CCDC122: variants seen among roughly 807,000 people sequenced by gnomAD.
The protein encoded by CCDC122 is coiled-coil domain-containing protein 122.
Under a neutral mutation model 37.0 loss-of-function variants are expected in CCDC122, and 38 were observed. The ratio of observed to expected loss-of-function variants is 1.03; its 90% CI spans 0.79 to 1.35. The LOEUF (loss-of-function observed/expected upper bound fraction) is 1.35, where lower values mean the gene tolerates loss of function less well. CCDC122 is among the 40% of genes most tolerant of loss of function. The pLI is 0.00. For synonymous variants in CCDC122, 83 were observed against 95.6 expected, an observed-to-expected ratio of 0.87 and a Z score of 0.77; for missense variants, 305 against 310.0, an observed-to-expected ratio of 0.98 and a Z score of 0.12.
downstream of CCDC122, among the ~76,000 whole-genome samples, chr13:43,833,196 C>T (rs1328224514): frequency 1.3e-5 from 2 of 152,144 alleles, no homozygotes; most frequent in Non-Finnish European, 2.9e-5. Flanking sequence ...ATAGGTTGCA[C>T]ATGTAGTAAG....
At chr13:43,864,233 C>G (rs747324007) in intron 4 of CCDC122, among the ~76,000 whole-genome samples, 9 of 152,036 alleles carry the variant, frequency 5.9e-5, no homozygotes, top group Admixed American at 1.3e-4. Flanking sequence ...GATTACTATG[C>G]CCTATAATAA....
intron 1 of CCDC122, among the ~76,000 whole-genome samples, chr13:43,876,207 T>G (rs1308214345): frequency 2.0e-5 from 3 of 152,224 alleles, no homozygotes; most frequent in Non-Finnish European, 4.4e-5. Context: ...TTAGTGCCAA[T>G]TTGTTATGCT....
intron 2 of CCDC122, among the ~76,000 whole-genome samples, chr13:43,871,462 T>C (rs1000592817): frequency 6.6e-6 from 1 of 152,080 alleles, no homozygotes; most frequent in African/African-American, 2.4e-5. Context: ...GCCTAAAATA[T>C]TGTGGGCATA....
At position 43,876,485 on chromosome 13, in the gene CCDC122, G is replaced by A. The variant is rs144538368; in HGVS notation, c.-199-1558C>T. Among the ~76,000 whole-genome samples the A allele has an allele frequency of 3.1e-3, 474 of 151,894 alleles. 2 individuals carry two copies. The highest frequency in any genetic ancestry group is 0.011 in the African/African-American group (444 of 41,392). On this transcript the variant is annotated intron_variant, in intron 1 of 6. Coordinates refer to ENST00000444614, the MANE Select transcript of CCDC122 (RefSeq NM_144974.5). ...ACACAGTCAATTAAAATGGAGAGGC[G>A]CAGCAGCTTATGTCTAAGCCTATCT...
intron 4 of CCDC122, among the ~76,000 whole-genome samples, chr13:43,860,518 A>G (rs1346833775): frequency 6.6e-6 from 1 of 152,064 alleles, no homozygotes; most frequent in African/African-American, 2.4e-5. Context: ...CCCCATTCAA[A>G]CTACACTTTC....
chr13:43,842,688 T>A (rs1953395969), intron 6 of CCDC122, among the ~76,000 whole-genome samples: 1 of 152,054 alleles, frequency 6.6e-6, no homozygotes, highest in Admixed American at 6.6e-5. Flanking sequence ...TTATTTAGTA[T>A]CTTTAATTTC....
In CCDC122 at chr13:43,859,786, T is replaced by A. The variant is rs200119263; in HGVS notation, c.441A>T (p.Ser147=). The A allele has an allele frequency of 6.2e-7, 1 of 1,609,460 alleles. No homozygotes were observed. Among genetic ancestry groups the A allele is most frequent in the East Asian group, 2.2e-5 (1 of 44,600 alleles). The change falls in exon 5 of 7, where the codon TCA becomes TCT. Residue 147 remains serine (S), a synonymous_variant. Transcript: ENST00000444614. ...GCTTTTCATGGAGTTCAGTCATAAA[T>A]GACCATTTGCTCTCTACTTCCCCCA... ...NSLGEVESKW[S]FMTELHEKRD... is the part of the protein sequence containing the mutation.
intron 6 of CCDC122, among the ~76,000 whole-genome samples, chr13:43,848,464 A>G (rs911075272): frequency 6.6e-6 from 1 of 151,858 alleles, no homozygotes; most frequent in Non-Finnish European, 1.5e-5. Context: ...TTGTTGCTCA[A>G]TGTGTTATAT....
intron 3 of CCDC122, among the ~76,000 whole-genome samples, chr13:43,828,586 AC>A (rs1953061186): frequency 6.6e-6 from 1 of 151,022 alleles, no homozygotes; most frequent in Non-Finnish European, 1.5e-5. Context: ...ACACACACAC[AC>A]ACACACACAC....
At chr13:43,833,674 C>T (rs1384332508), downstream of CCDC122, among the ~76,000 whole-genome samples, 2 of 152,164 alleles carry the variant, frequency 1.3e-5, no homozygotes, top group Non-Finnish European at 2.9e-5. Context: ...CACAGACTCA[C>T]GATGATCCTA....
chr13:43,836,048 A>ATT (rs781171928), downstream of CCDC122, among the ~76,000 whole-genome samples: 2 of 152,232 alleles, frequency 1.3e-5, no homozygotes, highest in Non-Finnish European at 2.9e-5. Context: ...CACTTACTGA[A>ATT]TTTTAGCACA....
intron 4 of CCDC122, among the ~76,000 whole-genome samples, chr13:43,862,986 T>G (rs990913156): frequency 6.6e-6 from 1 of 152,030 alleles, no homozygotes; most frequent in Admixed American, 6.6e-5. Context: ...CTCTTCATCC[T>G]TTTCCCCTTC....
intron 3 of CCDC122, among the ~76,000 whole-genome samples, chr13:43,831,319 T>C (rs1953087168): frequency 6.6e-6 from 1 of 152,184 alleles, no homozygotes; most frequent in Non-Finnish European, 1.5e-5. Flanking sequence ...GAGATCCCTG[T>C]GCATGAGTCA....
intron 6 of CCDC122, among the ~76,000 whole-genome samples, chr13:43,837,730 C>CA (rs1953215340): frequency 6.6e-6 from 1 of 151,912 alleles, no homozygotes; most frequent in Non-Finnish European, 1.5e-5. Context: ...GTAATTTGAC[C>CA]AAAGTTTCAT....
intron 1 of CCDC122, among the ~76,000 whole-genome samples, chr13:43,876,954 T>C (rs1227799223): frequency 2.0e-5 from 3 of 151,994 alleles, no homozygotes; most frequent in Admixed American, 2.0e-4. Flanking sequence ...CTACTAAAAA[T>C]ACAAAAATTA....
chr13:43,858,988 T>G (rs1045305160), intron 5 of CCDC122, 91 bp from the exon 6 acceptor site: 1 of 1,045,662 alleles, frequency 9.6e-7, no homozygotes, highest in Admixed American at 4.2e-5. Flanking sequence ...TTAAGAAAAC[T>G]AGCCAAATCA....
At chr13:43,819,639 A>G (rs1182634752), downstream of CCDC122, among the ~76,000 whole-genome samples, 2 of 152,170 alleles carry the variant, frequency 1.3e-5, no homozygotes, top group Non-Finnish European at 2.9e-5. Context: ...GGATAAATAC[A>G]GTACTTCTTA....
At chr13:43,834,295 T>C (rs1390633426), downstream of CCDC122, among the ~76,000 whole-genome samples, 3 of 152,162 alleles carry the variant, frequency 2.0e-5, no homozygotes, top group East Asian at 3.9e-4. Context: ...TTACACCTTA[T>C]ACAAAAACTA....
chr13:43,819,324 A>G (rs1048342099), downstream of CCDC122, among the ~76,000 whole-genome samples: 1 of 152,214 alleles, frequency 6.6e-6, no homozygotes, highest in African/African-American at 2.4e-5. Flanking sequence ...TCAGCAAGCA[A>G]TTCCACTTCT....
Sources: allele counts gnomAD v4.1 joint callset (sites outside exome capture counted in the v4.1 genomes callset), GRCh38; gene constraint gnomAD v4.1.1; transcripts MANE v1.5; gene names NCBI Gene and HGNC (gene_info 2026-07-23, HGNC 2026-07-21).